KAZN: variants seen among roughly 807,000 people sequenced by gnomAD.
KAZN encodes kazrin.
A neutral mutation model predicts 87.4 loss-of-function variants in KAZN; 40 were observed. The observed-to-expected ratio is 0.46, with a 90% CI of 0.36 to 0.60. The LOEUF (loss-of-function observed/expected upper bound fraction) is 0.60. Among genes scored for constraint, KAZN ranks in the 20% least tolerant of loss-of-function variants. The pLI is 0.00. For missense variants in KAZN, 898 were observed against 1,073.9 expected (o/e 0.84, Z 2.29); for synonymous variants, 466 against 458.3 (o/e 1.02, Z -0.22).
chr1:14,560,542 C>T (rs569715041), intron 2 of KAZN, among the ~76,000 whole-genome samples: 1 of 152,308 alleles, frequency 6.6e-6, no homozygotes, highest in East Asian at 1.9e-4. Flanking sequence ...CGCGCCACTG[C>T]ACTCCAGCCT....
chr1:14,584,203 C>T (rs1165513672), intron 2 of KAZN, among the ~76,000 whole-genome samples: 4 of 152,208 alleles, frequency 2.6e-5, no homozygotes, highest in Non-Finnish European at 5.9e-5. Flanking sequence ...ATACACAAGG[C>T]CTGGTCAATC....
chr1:14,851,901 G>C (rs1649492060), intron 1 of KAZN, among the ~76,000 whole-genome samples: 1 of 152,226 alleles, frequency 6.6e-6, no homozygotes, highest in African/African-American at 2.4e-5. Context: ...ACCTAGTCCA[G>C]CTCACCCGGA....
intron 2 of KAZN, among the ~76,000 whole-genome samples, chr1:14,306,962 T>G (rs1451357800): frequency 1.3e-5 from 2 of 152,214 alleles, no homozygotes; most frequent in African/African-American, 4.8e-5. Flanking sequence ...TCTTTCCATT[T>G]TATTTGATGT....
chr1:14,240,193 C>T (rs1648813117), intron 2 of KAZN, among the ~76,000 whole-genome samples: 1 of 152,200 alleles, frequency 6.6e-6, no homozygotes, highest in Non-Finnish European at 1.5e-5. Context: ...TGACAAAACT[C>T]ACAGATCTCA....
At chr1:14,620,898 A>G (rs1013721850) in intron 1 of KAZN, among the ~76,000 whole-genome samples, 1 of 152,214 alleles carries the variant, frequency 6.6e-6, no homozygotes, top group Non-Finnish European at 1.5e-5. Context: ...CCTAATTTCC[A>G]TGAAAGTGTC....
chr1:14,160,686 C>T (rs1202592092), intron 1 of KAZN, among the ~76,000 whole-genome samples: 1 of 152,068 alleles, frequency 6.6e-6, no homozygotes. Context: ...TTGTTCTGCC[C>T]CCTGCCTTGC....
intron 1 of KAZN, among the ~76,000 whole-genome samples, chr1:14,786,894 G>T (rs1320572365): frequency 6.6e-6 from 1 of 152,196 alleles, no homozygotes; most frequent in Admixed American, 6.5e-5. Context: ...GCCATTAGAA[G>T]AAATGTGGTG....
intron 2 of KAZN, among the ~76,000 whole-genome samples, chr1:14,219,566 T>C (rs1647047025): frequency 6.6e-6 from 1 of 152,212 alleles, no homozygotes; most frequent in Admixed American, 6.5e-5. Context: ...TCTTCATTAA[T>C]TCATTCTACA....
intron 1 of KAZN, among the ~76,000 whole-genome samples, chr1:14,019,224 A>G (rs1276990298): frequency 6.6e-6 from 1 of 152,154 alleles, no homozygotes; most frequent in East Asian, 1.9e-4. Flanking sequence ...TACCCCAGAT[A>G]TTTTTTATTA....
At chr1:14,768,275 G>C (rs563277143) in intron 1 of KAZN, among the ~76,000 whole-genome samples, 1 of 152,292 alleles carries the variant, frequency 6.6e-6, no homozygotes, top group African/African-American at 2.4e-5. Flanking sequence ...AAATGAATTT[G>C]TGAAAATACT....
chr1:14,768,053 G>A (rs1488551395), intron 1 of KAZN, among the ~76,000 whole-genome samples: 8 of 152,098 alleles, frequency 5.3e-5, no homozygotes, highest in African/African-American at 1.4e-4. Flanking sequence ...GTATGTCGCC[G>A]TCGAGATTTA....
chr1:14,988,171 C>T (rs1045983047), intron 2 of KAZN, among the ~76,000 whole-genome samples: 53 of 152,214 alleles, frequency 3.5e-4, no homozygotes, highest in African/African-American at 1.1e-3. Flanking sequence ...GTGAGGCTCT[C>T]CCTTGAGAGG....
rs56104480 is a variant in KAZN at position 14,952,240 on chromosome 1, C to CTGTGTGTGTGTGTG, written c.227-8420_227-8407dup. Among the ~76,000 whole-genome samples the CTGTGTGTGTGTGTG allele has an allele frequency of 1.9e-3, 275 of 144,004 alleles. 1 individual carries two copies. Among genetic ancestry groups the CTGTGTGTGTGTGTG allele is most frequent in the African/African-American group, 6.2e-3 (235 of 37,752 alleles). 94.5% of individuals were successfully genotyped at this position (144,004 alleles called of 152,430 possible). A position where few individuals can be genotyped will look rare whatever the true frequency, so the allele number is the denominator to read the frequency against. On this transcript the variant is annotated intron_variant, in intron 1 of 14. Coordinates refer to ENST00000376030, the MANE Select transcript of KAZN (RefSeq NM_201628.3). ...CTCTAGGCATCTGATTTCTTTCCCA[C>CTGTGTGTGTGTGTG]TGTGTGTGTGTGTGTGTGTGTGTGT...
chr1:14,273,441 A>T (rs1020928686), intron 2 of KAZN, among the ~76,000 whole-genome samples: 1 of 152,190 alleles, frequency 6.6e-6, no homozygotes, highest in Non-Finnish European at 1.5e-5. Flanking sequence ...TAATTTTTAA[A>T]TTGCTTATTT....
At chr1:14,377,046 A>G (rs1182506947) in intron 2 of KAZN, among the ~76,000 whole-genome samples, 4 of 136,062 alleles carry the variant, frequency 2.9e-5, no homozygotes, top group African/African-American at 8.3e-5. Flanking sequence ...GTCTTCCTGC[A>G]TAATAACTAA....
chr1:14,550,615 A>C (rs563812903), intron 2 of KAZN, among the ~76,000 whole-genome samples: 1 of 152,024 alleles, frequency 6.6e-6, no homozygotes, highest in South Asian at 2.1e-4. Flanking sequence ...ACTTTAGGCT[A>C]GGGAAATTTT....
intron 2 of KAZN, among the ~76,000 whole-genome samples, chr1:14,207,183 C>T (rs1470307297): frequency 3.9e-5 from 6 of 152,012 alleles, no homozygotes; most frequent in Admixed American, 1.3e-4. Flanking sequence ...AGGCTGGTCT[C>T]GAACTCCTGA....
Position 14,609,436 on chromosome 1 carries a change from A to G in KAZN, c.226+10213A>G, listed in dbSNP as rs1222058221. The stretch of plus-strand genomic sequence containing the variant: ...ACAGGCTGGGTCATTCTCATCAGCA[A>G]CTACTAAAACAAAACAAAAAGCAAC... On this transcript the variant is annotated intron_variant, in intron 1 of 14. Coordinates refer to ENST00000376030, the MANE Select transcript of KAZN (RefSeq NM_201628.3). Among the ~76,000 whole-genome samples the G allele has an allele frequency of 1.3e-5, 2 of 152,248 alleles. 1 individual carries two copies. The highest frequency in any genetic ancestry group is 2.9e-5 in the Non-Finnish European group (2 of 68,044).
intron 1 of KAZN, among the ~76,000 whole-genome samples, chr1:14,111,721 C>A (rs1029066253): frequency 7.7e-6 from 1 of 129,522 alleles, no homozygotes; most frequent in Non-Finnish European, 1.6e-5. Context: ...ATGCCCCAAC[C>A]CTTTGCCTAG....
Sources: allele counts gnomAD v4.1 joint callset (sites outside exome capture counted in the v4.1 genomes callset), GRCh38; gene constraint gnomAD v4.1.1; transcripts MANE v1.5; gene names NCBI Gene and HGNC (gene_info 2026-07-23, HGNC 2026-07-21).